Variants in DNAI4 observed in about 807,000 individuals in gnomAD.
DNAI4 encodes WD repeat domain 78.
A neutral mutation model predicts 105.8 loss-of-function variants in DNAI4; 85 were observed. The observed-to-expected ratio is 0.80, with a 90% CI of 0.67 to 0.96. The LOEUF (loss-of-function observed/expected upper bound fraction) is 0.96, where lower values mean the gene tolerates loss of function less well. DNAI4 is among the 40% of genes least tolerant of loss of function. DNAI4 has a pLI of 0.00. For missense variants in DNAI4, 1,014 were observed against 1,005.6 expected, an observed-to-expected ratio of 1.01 and a Z score of -0.11; for synonymous variants, 352 against 331.5, an observed-to-expected ratio of 1.06 and a Z score of -0.67.
chr1:66,869,713 C>G (rs183845878), intron 6 of DNAI4, among the ~76,000 whole-genome samples: 3 of 152,284 alleles, frequency 2.0e-5, no homozygotes, highest in Admixed American at 6.5e-5. Context: ...TTGGCTGATA[C>G]AGTTTAGATG....
intron 2 of DNAI4, among the ~76,000 whole-genome samples, chr1:66,899,667 C>G (rs555988750): frequency 3.9e-5 from 6 of 152,288 alleles, no homozygotes; most frequent in African/African-American, 1.4e-4. Context: ...GGTCTTACCC[C>G]TATGTTTTCT....
intron 7 of DNAI4, among the ~76,000 whole-genome samples, chr1:66,858,719 A>G (rs1199632756): frequency 6.6e-6 from 1 of 152,144 alleles, no homozygotes; most frequent in Non-Finnish European, 1.5e-5. Context: ...AAAATACATC[A>G]ATAGACACAG....
At chr1:66,864,760 G>A (rs1403087669) in intron 6 of DNAI4, among the ~76,000 whole-genome samples, 1 of 152,206 alleles carries the variant, frequency 6.6e-6, no homozygotes, top group East Asian at 1.9e-4. Flanking sequence ...AGAATCGCTT[G>A]AACCCAGGAG....
rs543202451 is a variant in DNAI4, at chr1:66,905,379, TA to T, written c.171-5del. 14,182 of 1,417,854 alleles carry T rather than the reference TA, an allele frequency of 0.01. 81 individuals carry two copies. The highest frequency in any genetic ancestry group is 0.012 in the Non-Finnish European group (12,725 of 1,071,576). The allele number at this position is 1,417,854 out of a possible 1,614,324, so 87.8% of individuals were successfully genotyped here. ...CTTTGGTTGTGTGGCATTGTTCCTATATAAGAAAAATAAAATATAATGCAAA... is the reference window on the plus strand; with the variant it reads ...CTTTGGTTGTGTGGCATTGTTCCTATTAAGAAAAATAAAATATAATGCAAA... On this transcript the variant is annotated splice_polypyrimidine_tract_variant and splice_region_variant and intron_variant, in intron 1 of 16. Coordinates refer to ENST00000371026, the MANE Select transcript of DNAI4 (RefSeq NM_024763.5).
intron 16 of DNAI4, among the ~76,000 whole-genome samples, chr1:66,818,547 G>T (rs993288286): frequency 6.6e-6 from 1 of 152,132 alleles, no homozygotes; most frequent in Admixed American, 6.5e-5. Context: ...TATATCATTT[G>T]AATATGAATT....
At chr1:66,922,146 T>C (rs898668012) in intron 1 of DNAI4, among the ~76,000 whole-genome samples, 1 of 151,982 alleles carries the variant, frequency 6.6e-6, no homozygotes, top group African/African-American at 2.4e-5. Flanking sequence ...CCACTGGTTG[T>C]GAACTCCCAA....
chr1:66,830,788 AAT>A (rs1645850204), intron 13 of DNAI4, among the ~76,000 whole-genome samples: 2 of 150,404 alleles, frequency 1.3e-5, no homozygotes, highest in Non-Finnish European at 1.5e-5. Context: ...CTCAAAAAAA[AAT>A]AAATAAATAA....
intron 10 of DNAI4, among the ~76,000 whole-genome samples, chr1:66,836,208 G>GAAAGAAAGAA (rs1409438113): frequency 0.025 from 1,160 of 46,614 alleles, 29 homozygotes; most frequent in African/African-American, 0.03. Flanking sequence ...AAGAAAGAAA[G>GAAAGAAAGAA]AGAGAGAGAG....
At chr1:66,917,180 T>C (rs1163311788) in intron 1 of DNAI4, among the ~76,000 whole-genome samples, 1 of 152,246 alleles carries the variant, frequency 6.6e-6, no homozygotes, top group Non-Finnish European at 1.5e-5. Flanking sequence ...TAAATGTTAT[T>C]GGTATGTGTT....
intron 6 of DNAI4, among the ~76,000 whole-genome samples, chr1:66,862,547 G>T (rs1289284788): frequency 2.0e-5 from 3 of 151,862 alleles, no homozygotes; most frequent in Non-Finnish European, 4.4e-5. Flanking sequence ...TAGACAACAT[G>T]GTAAGACCCT....
At chr1:66,843,675 T>G (rs1169537603) in intron 8 of DNAI4, among the ~76,000 whole-genome samples, 1 of 152,190 alleles carries the variant, frequency 6.6e-6, no homozygotes, top group Non-Finnish European at 1.5e-5. Context: ...GCATTTTACA[T>G]TCAGGTCTAT....
intron 16 of DNAI4, among the ~76,000 whole-genome samples, chr1:66,818,883 A>C (rs1051473223): frequency 6.6e-6 from 1 of 152,208 alleles, no homozygotes; most frequent in African/African-American, 2.4e-5. Flanking sequence ...ACTGCATTCC[A>C]GCCTGGGCGA....
In DNAI4 at chr1:66,924,730, G is replaced by A. The variant is rs771344086; in HGVS notation, c.102C>T (p.Thr34=). The A allele has an allele frequency of 1.9e-6, 3 of 1,614,108 alleles. No homozygotes were observed. The highest frequency in any genetic ancestry group is 1.1e-5 in the South Asian group (1 of 91,088). Residue 34 remains threonine, a synonymous_variant, in exon 1 of 17, where the codon ACC becomes ACT. Transcript: ENST00000371026. ...GCATGGTGGCGACCAGCTGGGGAGTGGTGCACCACCCCTTTTTTTGGCCGC... is the reference window on the plus strand; with the variant it reads ...GCATGGTGGCGACCAGCTGGGGAGTAGTGCACCACCCCTTTTTTTGGCCGC... The part of the protein sequence containing the change: ...FRGGQKKGWC[T]TPQLVATMPV...
At chr1:66,826,614 A>G (rs1337822195) in intron 15 of DNAI4, among the ~76,000 whole-genome samples, 2 of 152,186 alleles carry the variant, frequency 1.3e-5, no homozygotes, top group Non-Finnish European at 2.9e-5. Flanking sequence ...AACTACTTTC[A>G]TTCAAATACT....
At chr1:66,840,087 A>T (rs1646117061) in intron 9 of DNAI4, among the ~76,000 whole-genome samples, 1 of 152,206 alleles carries the variant, frequency 6.6e-6, no homozygotes, top group African/African-American at 2.4e-5. Context: ...ACTTCCAAAT[A>T]TGACTACTTT....
chr1:66,813,785 A>G lies in DNAI4; in HGVS notation c.*345T>C, dbSNP rs907527153. The stretch of plus-strand genomic sequence containing the variant: ...TAAAGATTTTGGTTTAAGTGATTCT[A>G]TTAATTTCCAAGTTTCGCTTCTATA... On this transcript the variant is annotated 3_prime_UTR_variant, in exon 17 of 17. Coordinates refer to ENST00000371026, the MANE Select transcript of DNAI4 (RefSeq NM_024763.5). 4 of 169,102 alleles carry G rather than the reference A, an allele frequency of 2.4e-5. No individual in the cohort carries two copies. Among genetic ancestry groups the G allele is most frequent in the African/African-American group, 9.5e-5 (4 of 42,290 alleles). The allele number at this position is 169,102 out of a possible 1,614,324, so 10.5% of individuals were successfully genotyped here.
At chr1:66,876,458 G>T (rs562589222) in intron 4 of DNAI4, among the ~76,000 whole-genome samples, 1 of 152,158 alleles carries the variant, frequency 6.6e-6, no homozygotes, top group Admixed American at 6.6e-5. Flanking sequence ...TACATATATA[G>T]AACCTAATAT....
chr1:66,859,704 G>T (rs899793879), intron 7 of DNAI4, among the ~76,000 whole-genome samples: 3 of 152,070 alleles, frequency 2.0e-5, no homozygotes, highest in African/African-American at 7.2e-5. Context: ...GTCTCAGAAG[G>T]TTACACATAT....
chr1:66,874,031 G>A (rs1199675042), intron 5 of DNAI4, among the ~76,000 whole-genome samples: 1 of 151,426 alleles, frequency 6.6e-6, no homozygotes, highest in Non-Finnish European at 1.5e-5. Flanking sequence ...GGAGTTTTTA[G>A]TACTATAAAT....
Sources: allele counts gnomAD v4.1 joint callset (sites outside exome capture counted in the v4.1 genomes callset), GRCh38; gene constraint gnomAD v4.1.1; transcripts MANE v1.5; gene names NCBI Gene and HGNC (gene_info 2026-07-23, HGNC 2026-07-21).